Variants in POM121C observed in about 807,000 individuals in gnomAD.
POM121C encodes POM121 transmembrane nucleoporin C.
In POM121C, 20 loss-of-function variants were observed where a neutral mutation model predicts 66.4. The observed-to-expected ratio is 0.30, with a 90% CI of 0.21 to 0.44. POM121C has a LOEUF of 0.44. POM121C is among the 20% of genes least tolerant of loss of function. POM121C has a pLI of 1.00. For synonymous variants in POM121C, 286 were observed against 528.0 expected (o/e 0.54, Z 6.28); for missense variants, 580 against 1,225.7 (o/e 0.47, Z 7.87).
In POM121C at chr7:75,468,040, G is replaced by C. The variant is rs146184555; in HGVS notation, c.-152+6664C>G. 4.5e-3 allele frequency among the ~76,000 whole-genome samples: 684 copies of C among 150,392 alleles called. 2 individuals carry two copies. Among genetic ancestry groups the C allele is most frequent in the Middle Eastern group, 0.017 (5 of 292 alleles). ...CCCAGCTACTCAGGGGCTGAGGCCG[G>C]AGAATTGCTTGAACTGAGGAGGCAG... On this transcript the variant is annotated intron_variant, in intron 3 of 14. Transcript: ENST00000615331.
At chr7:75,426,685 A>C (rs1389234374) in intron 7 of POM121C, among the ~76,000 whole-genome samples, 1 of 66,476 alleles carries the variant, frequency 1.5e-5, no homozygotes, top group Non-Finnish European at 2.9e-5. Context: ...AAAATTGAAA[A>C]ATCAGTTGGG....
rs1388272972 is a variant in POM121C, at chr7:75,421,962, GGAT to G, written c.2287_2289del (p.Ile763del). 1.9e-6 allele frequency: 3 copies of G among 1,613,762 alleles called. No individual in the cohort carries two copies. Among genetic ancestry groups the G allele is most frequent in the Non-Finnish European group, 2.5e-6 (3 of 1,179,900 alleles). ...TGCGTGGCACCGCCAAAGGTAGGCT[GGAT>G]GGGCGTAGGCACGTGCGCAGGCACG... On this transcript the variant is annotated inframe_deletion, in exon 13 of 15. Coordinates refer to ENST00000615331, the MANE Select transcript of POM121C (RefSeq NM_001099415.3).
rs1443468701 is a variant in POM121C, at chr7:75,422,050, G to A, written c.2202C>T (p.Asn734=). The change falls in exon 13 of 15, where the codon AAC becomes AAT. Residue 734 remains asparagine (N), a synonymous_variant. Coordinates refer to ENST00000615331, the MANE Select transcript of POM121C (RefSeq NM_001099415.3). ...PSFGSSFTFG[N]SAAPAPATAP... is the part of the protein sequence containing the mutation. Reference sequence around the variant, plus strand: ...CAGTAGCCGGGGCCGGGGCTGCAGAGTTTCCAAAAGTGAAAGAGCTGCCAA... The same window carrying A: ...CAGTAGCCGGGGCCGGGGCTGCAGAATTTCCAAAAGTGAAAGAGCTGCCAA... 1.2e-6 allele frequency: 2 copies of A among 1,612,014 alleles called. No homozygotes were observed. Among genetic ancestry groups the A allele is most frequent in the African/African-American group, 2.7e-5 (2 of 74,926 alleles).
At chr7:75,485,731 T>A in intron 1 of POM121C, 133 bp downstream of exon 1, 1 of 381,776 alleles carries the variant, frequency 2.6e-6, no homozygotes, top group Non-Finnish European at 5.2e-6. Context: ...AGCCGGACCC[T>A]GCCCTCAAAC....
chr7:75,452,059 G>C (rs1455531607), intron 3 of POM121C, among the ~76,000 whole-genome samples: 3 of 152,090 alleles, frequency 2.0e-5, no homozygotes, highest in Non-Finnish European at 4.4e-5. Flanking sequence ...AGCTACTTGG[G>C]AGGCTGAGGC....
chr7:75,462,745 T>C (rs1791487183), intron 3 of POM121C, among the ~76,000 whole-genome samples: 1 of 151,810 alleles, frequency 6.6e-6, no homozygotes, highest in African/African-American at 2.4e-5. Flanking sequence ...TTGAAAACAC[T>C]GTAAATCAAA....
intron 7 of POM121C, among the ~76,000 whole-genome samples, chr7:75,428,987 A>T (rs1287763042): frequency 1.3e-5 from 2 of 151,596 alleles, no homozygotes; most frequent in Non-Finnish European, 2.9e-5. Flanking sequence ...GACTGTAATG[A>T]TTAGCTAGGA....
intron 3 of POM121C, among the ~76,000 whole-genome samples, chr7:75,458,423 A>C (rs1389474521): frequency 1.3e-5 from 2 of 152,090 alleles, no homozygotes; most frequent in Non-Finnish European, 2.9e-5. Context: ...CAGCTACTCA[A>C]GAGGCTGAGG....
At chr7:75,441,999 T>C (rs1790667904) in intron 3 of POM121C, 1 of 571,200 alleles carries the variant, frequency 1.8e-6, no homozygotes, top group African/African-American at 1.9e-5. Context: ...AGGAGACGGC[T>C]GGCACACACC....
chr7:75,441,974 CAAG>C (rs1790666587), intron 3 of POM121C, among the ~76,000 whole-genome samples: 4 of 11,460 alleles, frequency 3.5e-4, no homozygotes, highest in African/African-American at 5.2e-4. Flanking sequence ...TCACACCAAG[CAAG>C]AGTCAGAGGC....
At chr7:75,434,477 A>G (rs1347476627) in intron 7 of POM121C, among the ~76,000 whole-genome samples, 1 of 151,632 alleles carries the variant, frequency 6.6e-6, no homozygotes, top group Non-Finnish European at 1.5e-5. Context: ...GGGTTTTGCC[A>G]TGTTGGTCAG....
chr7:75,420,284 G>A lies in POM121C; in HGVS notation c.2744-842C>T, dbSNP rs186512544. 1.9e-3 allele frequency: 293 copies of A among 152,546 alleles called. 1 individual carries two copies. Among genetic ancestry groups the A allele is most frequent in the African/African-American group, 6.4e-3 (267 of 41,396 alleles). 9.4% of individuals were successfully genotyped at this position (152,546 alleles called of 1,614,324 possible). Reference sequence around the variant, plus strand: ...GCCACACTGTCACCACAACTGCTCCGGCTCCCGAATCTCCTGCAGGCACCA... The same window carrying A: ...GCCACACTGTCACCACAACTGCTCCAGCTCCCGAATCTCCTGCAGGCACCA... On this transcript the variant is annotated intron_variant, in intron 13 of 14. Coordinates refer to ENST00000615331, the MANE Select transcript of POM121C (RefSeq NM_001099415.3).
chr7:75,482,456 C>G (rs587769274), intron 1 of POM121C, among the ~76,000 whole-genome samples: 5 of 152,302 alleles, frequency 3.3e-5, no homozygotes, highest in African/African-American at 9.6e-5. Flanking sequence ...CACTTTGGGA[C>G]ACCGAGGCGG....
intron 7 of POM121C, among the ~76,000 whole-genome samples, chr7:75,430,119 T>A (rs1275073988): frequency 1.3e-5 from 2 of 152,148 alleles, no homozygotes; most frequent in Non-Finnish European, 1.5e-5. Context: ...TGAAAGGCAA[T>A]CCCAATCAGT....
chr7:75,473,817 T>C (rs1377407831), intron 3 of POM121C, among the ~76,000 whole-genome samples: 1 of 151,354 alleles, frequency 6.6e-6, no homozygotes, highest in Non-Finnish European at 1.5e-5. Context: ...GCCTCCCAAG[T>C]AGCTGGGACT....
intron 7 of POM121C, among the ~76,000 whole-genome samples, chr7:75,432,390 T>C (rs1790217784): frequency 6.6e-6 from 1 of 152,086 alleles, no homozygotes; most frequent in Non-Finnish European, 1.5e-5. Context: ...TCAATGACAA[T>C]GAATTACCTA....
intron 3 of POM121C, among the ~76,000 whole-genome samples, chr7:75,467,425 G>C (rs1359077201): frequency 1.7e-4 from 26 of 151,562 alleles, no homozygotes; most frequent in African/African-American, 6.3e-4. Context: ...CCAGCTACTT[G>C]GGAGGCTGAG....
intron 1 of POM121C, among the ~76,000 whole-genome samples, chr7:75,476,142 T>C (rs1173198491): frequency 2.6e-5 from 4 of 152,086 alleles, no homozygotes; most frequent in African/African-American, 7.2e-5. Context: ...TTTTAAAAAA[T>C]TGGCTGGGCA....
chr7:75,433,842 A>C (rs1554472700), intron 7 of POM121C, among the ~76,000 whole-genome samples: 1 of 152,250 alleles, frequency 6.6e-6, no homozygotes, highest in Non-Finnish European at 1.5e-5. Flanking sequence ...CCCTGAAAAG[A>C]TAACATGTAG....
Sources: gnomAD v4.1 joint callset for allele counts (sites outside exome capture counted in the v4.1 genomes callset) on GRCh38, gnomAD v4.1.1 for gene constraint, MANE v1.5 for transcripts, NCBI Gene and HGNC (gene_info 2026-07-23, HGNC 2026-07-21) for gene names.